The following EPHA10 variants were observed in gnomAD, a reference collection of about 807,000 sequenced individuals.
EPHA10 encodes the protein EPH receptor A10.
EPHA10 carries 120 observed loss-of-function variants against 109.7 expected under a neutral mutation model. The ratio of observed to expected loss-of-function variants is 1.09; its 90% CI spans 0.94 to 1.27. The LOEUF (loss-of-function observed/expected upper bound fraction) is 1.27, where lower values mean the gene tolerates loss of function less well. Ranked by LOEUF, EPHA10 falls within the 50% of genes most tolerant of loss-of-function variation. The probability of loss-of-function intolerance (pLI) is 0.00; values close to 1 mark genes in which losing one functional copy is unlikely to be tolerated. For synonymous variants in EPHA10, 640 were observed against 618.9 expected (o/e 1.03, Z -0.51); for missense variants, 1,396 against 1,411.1 (o/e 0.99, Z 0.17).
chr1:37,752,649 G>A (rs1313245933), intron 5 of EPHA10, among the ~76,000 whole-genome samples: 1 of 152,088 alleles, frequency 6.6e-6, no homozygotes. Flanking sequence ...CCAGTAGTAA[G>A]GGGACGCCTG....
chr1:37,744,574 C>G (rs980080823), intron 5 of EPHA10, among the ~76,000 whole-genome samples: 3 of 151,720 alleles, frequency 2.0e-5, no homozygotes, highest in Non-Finnish European at 4.4e-5. Flanking sequence ...GCAGGAGAAT[C>G]GCTTGAACCC....
chr1:37,718,390 G>T lies in EPHA10; in HGVS notation c.3009C>A (p.Gly1003=). The T allele has an allele frequency of 6.2e-7, 1 of 1,611,046 alleles. No individual in the cohort carries two copies. Among genetic ancestry groups the T allele is most frequent in the Non-Finnish European group, 8.5e-7 (1 of 1,178,778 alleles). ...GGTCCACTCACACCTGCACCCCCTG[G>T]CCCTGCAGCTGGAGCACTCGTGCCT... The part of the protein sequence containing the change: ...ALQARVLQLQ[G]QGVQV Residue 1003 remains glycine (G), a synonymous_variant, in exon 17 of 17, where the codon GGC becomes GGA. Coordinates refer to ENST00000373048, the MANE Select transcript of EPHA10 (RefSeq NM_001099439.2).
rs981070753 is a variant in EPHA10, at chr1:37,762,847, T to A, written c.109A>T (p.Ile37Phe). 4.5e-6 allele frequency: 7 copies of A among 1,551,656 alleles called. No homozygotes were observed. Among genetic ancestry groups the A allele is most frequent in the African/African-American group, 4.1e-5 (3 of 73,096 alleles). ...PWRPGTAEEV[I>F]LLDSKASQAE... ...TGGGAGGCTTTGGAATCCAGGAGGA[T>A]AACTAAGGAGAGGGGAAGACAGAAA... The change falls in exon 2 of 17, where the codon ATC (isoleucine) becomes TTC (phenylalanine). Residue 37 changes from isoleucine (I) to phenylalanine (F), a missense_variant and splice_region_variant. Physicochemically the swap from Ile to Phe is conservative, Grantham distance 21. Coordinates refer to ENST00000373048, the MANE Select transcript of EPHA10 (RefSeq NM_001099439.2).
At chr1:37,738,196 G>A (rs955558907) in intron 5 of EPHA10, 2 of 151,886 alleles carry the variant, frequency 1.3e-5, no homozygotes, top group Non-Finnish European at 1.5e-5. Flanking sequence ...GTGAAGCCCC[G>A]TCTGTACTAA....
intron 1 of EPHA10, among the ~76,000 whole-genome samples, chr1:37,763,617 C>T (rs1300534049): frequency 1.3e-5 from 2 of 152,042 alleles, no homozygotes; most frequent in African/African-American, 2.4e-5. Flanking sequence ...GTCAGTGACT[C>T]TCCCCAGCCT....
intron 7 of EPHA10, among the ~76,000 whole-genome samples, 171 bp from the exon 8 acceptor site, chr1:37,727,381 TG>T (rs1288015478): frequency 6.6e-6 from 1 of 152,218 alleles, no homozygotes; most frequent in Non-Finnish European, 1.5e-5. Flanking sequence ...CAGTGGCACC[TG>T]GAGTCCCAAG....
At chr1:37,732,292 C>G (rs1471050445) in intron 6 of EPHA10, among the ~76,000 whole-genome samples, 3 of 152,112 alleles carry the variant, frequency 2.0e-5, no homozygotes, top group African/African-American at 7.2e-5. Context: ...GGTGCACCCT[C>G]TGAATCCCTG....
At chr1:37,742,512 G>A (rs1384381279) in intron 5 of EPHA10, among the ~76,000 whole-genome samples, 1 of 152,208 alleles carries the variant, frequency 6.6e-6, no homozygotes, top group Non-Finnish European at 1.5e-5. Flanking sequence ...TGAATGGTAA[G>A]GATGTGATGT....
In EPHA10 at chr1:37,752,909, A is replaced by G; in HGVS notation, c.1324T>C (p.Tyr442His). 1 of 1,313,574 alleles carries G rather than the reference A, an allele frequency of 7.6e-7. No homozygotes were observed. The highest frequency in any genetic ancestry group is 9.7e-7 in the Non-Finnish European group (1 of 1,034,332). 81.4% of individuals were successfully genotyped at this position (1,313,574 alleles called of 1,614,324 possible). A position where few individuals can be genotyped will look rare whatever the true frequency, so the allele number is the denominator to read the frequency against. Residue 442 changes from tyrosine (Y) to histidine (H), a missense_variant, in exon 5 of 17, where the codon TAC (tyrosine) becomes CAC (histidine). Coordinates refer to ENST00000373048, the MANE Select transcript of EPHA10 (RefSeq NM_001099439.2). ...SGPAAAAGTT[Y>H]AQVTVSTGPG... ...CCGGTGGAGACGGTGACCTGCGCGT[A>G]GGTGGTTCCCGCGGCGGCCGCCGGG... is the stretch of plus-strand genomic sequence containing the variant.
chr1:37,722,813 C>A, intron 10 of EPHA10: 1 of 678,490 alleles, frequency 1.5e-6, no homozygotes, highest in Non-Finnish European at 2.7e-6. Context: ...ACCTTGAGGA[C>A]CAGGAGAGGG....
At chr1:37,740,383 G>A (rs1050157115) in intron 5 of EPHA10, among the ~76,000 whole-genome samples, 28 of 152,082 alleles carry the variant, frequency 1.8e-4, no homozygotes, top group African/African-American at 6.3e-4. Flanking sequence ...TCGGCTCACT[G>A]CAAGCTCCAC....
intron 6 of EPHA10, among the ~76,000 whole-genome samples, chr1:37,732,863 CTTTTTTTTTTTTT>C (rs56226051): frequency 1.4e-3 from 35 of 25,044 alleles, no homozygotes; most frequent in African/African-American, 4.4e-3. Context: ...TATACTTGTT[CTTTTTTTTTTTTT>C]TTTTTTTTTT....
chr1:37,738,536 T>C (rs1056380553), intron 5 of EPHA10, among the ~76,000 whole-genome samples: 2 of 152,024 alleles, frequency 1.3e-5, no homozygotes, highest in African/African-American at 2.4e-5. Context: ...CATGAAAAAA[T>C]TGGAACCCTT....
chr1:37,722,967 C>G (rs1303193389), intron 10 of EPHA10, 74 bp downstream of exon 10: 2 of 1,608,566 alleles, frequency 1.2e-6, no homozygotes, highest in Admixed American at 1.7e-5. Flanking sequence ...GAGGTGTGGA[C>G]AGAGTAGGGG....
Position 37,716,133 on chromosome 1 carries a change from T to C in EPHA10, c.*2239A>G, listed in dbSNP as rs1467930371. 4 of 432,284 alleles carry C rather than the reference T, an allele frequency of 9.3e-6. No homozygotes were observed. The highest frequency in any genetic ancestry group is 2.1e-5 in the South Asian group (1 of 46,530). The allele number at this position is 432,284 out of a possible 1,614,324, so 26.8% of individuals were successfully genotyped here. A position where few individuals can be genotyped will look rare whatever the true frequency, so the allele number is the denominator to read the frequency against. On this transcript the variant is annotated 3_prime_UTR_variant, in exon 17 of 17. Coordinates refer to ENST00000373048, the MANE Select transcript of EPHA10 (RefSeq NM_001099439.2). ...ACCTCTGTCCAGTGAACAAGTTCCA[T>C]ATAAAAATAGATCTGTAGAGGGTTC...
chr1:37,753,253 C>A, intron 4 of EPHA10, 27 bp from the exon 5 acceptor site: 3 of 1,125,318 alleles, frequency 2.7e-6, no homozygotes, highest in South Asian at 3.7e-5. Flanking sequence ...GCGGGGCGGT[C>A]AGGGCGGGGC....
At chr1:37,747,451 T>G (rs894604257) in intron 5 of EPHA10, among the ~76,000 whole-genome samples, 2 of 150,858 alleles carry the variant, frequency 1.3e-5, no homozygotes, top group Non-Finnish European at 2.9e-5. Context: ...CTTGGGAGGC[T>G]GAGGCAGGAG....
Position 37,751,136 on chromosome 1 carries a change from C to T in EPHA10, c.1357+1740G>A, listed in dbSNP as rs1205299708. ...AGGAGAATGGCGTGAACCCCAGACG[C>T]GGAGCTTGTAGTGAGCCAAGATCGC... On this transcript the variant is annotated intron_variant, in intron 5 of 16. Transcript: ENST00000373048. Among the ~76,000 whole-genome samples, 5 of 135,162 alleles carry T rather than the reference C, an allele frequency of 3.7e-5. No homozygotes were observed. In the South Asian group the frequency reaches 7.2e-4, roughly 19 times the overall value. The allele number at this position is 135,162 out of a possible 152,430, so 88.7% of individuals were successfully genotyped here. A position where few individuals can be genotyped will look rare whatever the true frequency, so the allele number is the denominator to read the frequency against.
intron 8 of EPHA10, among the ~76,000 whole-genome samples, chr1:37,725,347 A>C (rs192821555): frequency 6.6e-6 from 1 of 152,014 alleles, no homozygotes; most frequent in African/African-American, 2.4e-5. Context: ...TCTACTAAAA[A>C]TACAAAAAAT....
Sources: allele counts gnomAD v4.1 joint callset (sites outside exome capture counted in the v4.1 genomes callset), GRCh38; gene constraint gnomAD v4.1.1; transcripts MANE v1.5; gene names NCBI Gene and HGNC (gene_info 2026-07-23, HGNC 2026-07-21).